NFIB: variants seen among roughly 807,000 people sequenced by gnomAD.
The protein encoded by NFIB is nuclear factor I B.
In NFIB, 11 loss-of-function variants were observed where a neutral mutation model predicts 61.5. That is an observed-to-expected ratio of 0.18 (90% CI 0.11 to 0.30). The LOEUF (loss-of-function observed/expected upper bound fraction) is 0.30, where lower values mean the gene tolerates loss of function less well. NFIB is among the 10% of genes least tolerant of loss of function. NFIB has a pLI of 1.00. For synonymous variants in NFIB, 260 were observed against 216.5 expected (o/e 1.20, Z -1.76); for missense variants, 471 against 608.9 (o/e 0.77, Z 2.38).
At chr9:14,527,660 T>TG in the NFIB span, among the ~76,000 whole-genome samples, 12 of 152,306 alleles carry the variant, frequency 7.9e-5, no homozygotes, top group Non-Finnish European at 1.6e-4. Flanking sequence ...GTATGTTCTT[T>TG]ACAGGTATTT....
chr9:14,248,256 C>T (rs373233324), intron 2 of NFIB, among the ~76,000 whole-genome samples: 8 of 151,288 alleles, frequency 5.3e-5, no homozygotes, highest in South Asian at 4.2e-4. Flanking sequence ...ACCTAAACTG[C>T]CCTTCCTTCC....
the NFIB span, among the ~76,000 whole-genome samples, chr9:14,464,795 G>C: frequency 0.43 from 65,859 of 151,792 alleles, 14,922 homozygotes; most frequent in African/African-American, 0.56. Context: ...TTCCCACTTT[G>C]TTACTTGCTG....
chr9:14,218,643 T>G (rs1224058535), intron 2 of NFIB, among the ~76,000 whole-genome samples: 1 of 152,170 alleles, frequency 6.6e-6, no homozygotes, highest in Non-Finnish European at 1.5e-5. Flanking sequence ...TTACTGGGAA[T>G]TTTACCAAGG....
chr9:14,111,945 C>T (rs1202634967), intron 10 of NFIB, among the ~76,000 whole-genome samples: 1 of 152,176 alleles, frequency 6.6e-6, no homozygotes, highest in African/African-American at 2.4e-5. Context: ...GACTTGAGAA[C>T]TCCACACCAA....
intron 2 of NFIB, among the ~76,000 whole-genome samples, chr9:14,274,825 G>C (rs146064056): frequency 6.2e-4 from 95 of 152,262 alleles, no homozygotes; most frequent in Non-Finnish European, 1.2e-3. Flanking sequence ...GACAACCATC[G>C]TTTGGAAACA....
chr9:14,192,466 C>G lies in NFIB; in HGVS notation c.563-12686G>C, dbSNP rs149976820. Among the ~76,000 whole-genome samples, 666 of 152,262 alleles carry G rather than the reference C, an allele frequency of 4.4e-3. 5 individuals carry two copies. The highest frequency in any genetic ancestry group is 9.7e-3 in the African/African-American group (403 of 41,548). On this transcript the variant is annotated intron_variant, in intron 2 of 10. Coordinates refer to ENST00000380953, the MANE Select transcript of NFIB (RefSeq NM_001190737.2). ...GAATTGCCCTGTAACGGTAACTTGT[C>G]CTCAGATCCATCCTGAACTCTGTTT...
At chr9:14,498,331 A>G in the NFIB span, among the ~76,000 whole-genome samples, 3 of 152,354 alleles carry the variant, frequency 2.0e-5, no homozygotes, top group East Asian at 5.8e-4. Context: ...TGAATCTCAC[A>G]TTTGGTCTGA....
At chr9:14,500,636 G>C in the NFIB span, among the ~76,000 whole-genome samples, 2 of 152,002 alleles carry the variant, frequency 1.3e-5, no homozygotes, top group African/African-American at 2.4e-5. Context: ...GCCCAGTCCC[G>C]GTAAAAGCAA....
chr9:14,362,329 T>C (rs142117932), intron 1 of NFIB: 6 of 152,314 alleles, frequency 3.9e-5, no homozygotes, highest in African/African-American at 1.4e-4. Context: ...TATGACCTAA[T>C]ATATCTTTCC....
intron 1 of NFIB, among the ~76,000 whole-genome samples, chr9:14,377,034 C>G (rs978627306): frequency 2.6e-5 from 4 of 152,064 alleles, no homozygotes; most frequent in Non-Finnish European, 5.9e-5. Context: ...AATAAATCAC[C>G]TTTCACCCCA....
intron 1 of NFIB, chr9:14,357,527 G>T (rs1356207151): frequency 6.6e-6 from 1 of 152,180 alleles, no homozygotes; most frequent in African/African-American, 2.4e-5. Flanking sequence ...AGGGTTGGAG[G>T]TAGTGACCCA....
At chr9:14,504,382 G>C in the NFIB span, among the ~76,000 whole-genome samples, 3 of 152,270 alleles carry the variant, frequency 2.0e-5, no homozygotes, top group African/African-American at 4.8e-5. Flanking sequence ...GTGGTGCTTT[G>C]ATGGGAATTG....
intron 2 of NFIB, among the ~76,000 whole-genome samples, chr9:14,225,481 G>GAAAAAAAA (rs2052275058): frequency 1.6e-5 from 1 of 63,496 alleles, no homozygotes; most frequent in East Asian, 8.2e-4. Flanking sequence ...AAAAAAAAAA[G>GAAAAAAAA]AAGAAGAAGA....
At chr9:14,126,233 A>C (rs2130892782) in intron 6 of NFIB, among the ~76,000 whole-genome samples, 1 of 152,348 alleles carries the variant, frequency 6.6e-6, no homozygotes, top group South Asian at 2.1e-4. Flanking sequence ...CTTGATTAGC[A>C]AAAAGTACAT....
the NFIB span, among the ~76,000 whole-genome samples, chr9:14,407,603 T>C: frequency 4.8e-4 from 73 of 152,298 alleles, no homozygotes; most frequent in African/African-American, 1.7e-3. Flanking sequence ...AAAGATAATA[T>C]ATAAAAATTC....
At chr9:14,501,083 C>A in the NFIB span, among the ~76,000 whole-genome samples, 2 of 152,140 alleles carry the variant, frequency 1.3e-5, no homozygotes, top group Non-Finnish European at 2.9e-5. Context: ...GGATCTCAAA[C>A]CCACTTTTGA....
chr9:14,246,052 G>C (rs184148604), intron 2 of NFIB, among the ~76,000 whole-genome samples: 1 of 151,676 alleles, frequency 6.6e-6, no homozygotes, highest in East Asian at 1.9e-4. Flanking sequence ...GAACAGGAAT[G>C]TGTGGTTTTC....
At chr9:14,241,299 T>C (rs1007077939) in intron 2 of NFIB, among the ~76,000 whole-genome samples, 7 of 152,132 alleles carry the variant, frequency 4.6e-5, no homozygotes, top group Non-Finnish European at 7.3e-5. Flanking sequence ...AGTAGATAAA[T>C]AGACTATATC....
At chr9:14,267,326 T>C (rs1041619592) in intron 2 of NFIB, among the ~76,000 whole-genome samples, 1 of 152,198 alleles carries the variant, frequency 6.6e-6, no homozygotes, top group East Asian at 1.9e-4. Context: ...AAGTAGTCTA[T>C]AGAGGAATAC....
Sources: allele counts gnomAD v4.1 joint callset (sites outside exome capture counted in the v4.1 genomes callset), GRCh38; gene constraint gnomAD v4.1.1; transcripts MANE v1.5; gene names NCBI Gene and HGNC (gene_info 2026-07-23, HGNC 2026-07-21).